ADAMTS2: variants seen among roughly 807,000 people sequenced by gnomAD.
The protein encoded by ADAMTS2 is ADAM metallopeptidase with thrombospondin type 1 motif 2, also known as A disintegrin and metalloproteinase with thrombospondin motifs 2.
Under a neutral mutation model 123.0 loss-of-function variants are expected in ADAMTS2, and 50 were observed. The ratio of observed to expected loss-of-function variants is 0.41; its 90% CI spans 0.32 to 0.51. The LOEUF is 0.51. Among genes scored for constraint, ADAMTS2 ranks in the 20% least tolerant of loss-of-function variants. The probability of loss-of-function intolerance (pLI) is 0.35; values close to 1 mark genes in which losing one functional copy is unlikely to be tolerated. For synonymous variants in ADAMTS2, 678 were observed against 695.4 expected (o/e 0.98, Z 0.39); for missense variants, 1,494 against 1,705.2 (o/e 0.88, Z 2.18).
intron 2 of ADAMTS2, among the ~76,000 whole-genome samples, chr5:179,282,640 T>A (rs896141787): frequency 6.6e-6 from 1 of 152,192 alleles, no homozygotes; most frequent in African/African-American, 2.4e-5. Flanking sequence ...AATTTTAGGA[T>A]CAGCTTGTCA....
At chr5:179,208,631 C>T (rs1306946139) in intron 3 of ADAMTS2, among the ~76,000 whole-genome samples, 2 of 152,202 alleles carry the variant, frequency 1.3e-5, no homozygotes, top group Non-Finnish European at 2.9e-5. Context: ...CTGGACCAGG[C>T]TTCAGTTCCC....
At chr5:179,169,910 G>C (rs1259678905) in intron 5 of ADAMTS2, among the ~76,000 whole-genome samples, 1 of 152,168 alleles carries the variant, frequency 6.6e-6, no homozygotes. Context: ...GTCCTTCTCT[G>C]ATGCTCCCCA....
intron 3 of ADAMTS2, among the ~76,000 whole-genome samples, chr5:179,212,816 G>T (rs2113387327): frequency 6.6e-6 from 1 of 152,126 alleles, no homozygotes; most frequent in East Asian, 1.9e-4. Flanking sequence ...TGGGCTCTGA[G>T]GTCAGGCAGG....
At position 179,137,954 on chromosome 5, in the gene ADAMTS2, A is replaced by C. The variant is rs774392373; in HGVS notation, c.1776-10T>G. The stretch of plus-strand genomic sequence containing the variant: ...GCCCCCGTTGGCCGGGCTGGAGGAG[A>C]AAGCAAAGGCCTTGCCGCTCCGTGC... On this transcript the variant is annotated splice_polypyrimidine_tract_variant and intron_variant, in intron 11 of 21. Coordinates refer to ENST00000251582, the MANE Select transcript of ADAMTS2 (RefSeq NM_014244.5). The C allele has an allele frequency of 6.5e-7, 1 of 1,543,486 alleles. No homozygotes were observed. Among genetic ancestry groups the C allele is most frequent in the Non-Finnish European group, 8.7e-7 (1 of 1,147,072 alleles).
intron 3 of ADAMTS2, among the ~76,000 whole-genome samples, chr5:179,251,327 C>T (rs1765919172): frequency 6.6e-6 from 1 of 152,160 alleles, no homozygotes; most frequent in Non-Finnish European, 1.5e-5. Flanking sequence ...CGTATTTCTG[C>T]CTGATGGTGA....
At chr5:179,326,979 C>T (rs1441760782) in intron 2 of ADAMTS2, among the ~76,000 whole-genome samples, 3 of 152,160 alleles carry the variant, frequency 2.0e-5, no homozygotes, top group South Asian at 2.1e-4. Context: ...GGAGTGAATG[C>T]GCGTGAAGCC....
At chr5:179,184,509 TA>T (rs554713153) in intron 4 of ADAMTS2, among the ~76,000 whole-genome samples, 2,865 of 91,324 alleles carry the variant, frequency 0.031, 65 homozygotes, top group African/African-American at 0.087. Context: ...AGACTCTGTC[TA>T]AAAAAAAAAA....
At chr5:179,211,640 A>G (rs1764851763) in intron 3 of ADAMTS2, among the ~76,000 whole-genome samples, 1 of 152,226 alleles carries the variant, frequency 6.6e-6, no homozygotes, top group African/African-American at 2.4e-5. Context: ...TCGAAGAGTC[A>G]ATCAATAAAC....
rs1349808338 is a variant in ADAMTS2 at position 179,273,056 on chromosome 5, C to A, written c.543G>T (p.Leu181=). ...AGAACTCCTCCTCCTCCATCCGGAT[C>A]AGACCAGCCTGCGGGACAAAGACAA... ...ALSNCDGLAG[L]IRMEEEEFFI... The change falls in exon 3 of 22, where the codon CTG becomes CTT. Residue 181 remains leucine (L), a synonymous_variant. Coordinates refer to ENST00000251582, the MANE Select transcript of ADAMTS2 (RefSeq NM_014244.5). 6.2e-7 allele frequency: 1 copy of A among 1,613,624 alleles called. No homozygotes were observed. Among genetic ancestry groups the A allele is most frequent in the East Asian group, 2.2e-5 (1 of 44,882 alleles).
rs1417658912 is a variant in ADAMTS2, at chr5:179,130,124, C to T, written c.2291-26G>A. Reference sequence around the variant, plus strand: ...CTGAGAATGGCAAGACCAAGTCCCCCGTTGTGGTCACCCAAGAGCAGGACC... The same window carrying T: ...CTGAGAATGGCAAGACCAAGTCCCCTGTTGTGGTCACCCAAGAGCAGGACC... On this transcript the variant is annotated intron_variant, in intron 15 of 21. Coordinates refer to ENST00000251582, the MANE Select transcript of ADAMTS2 (RefSeq NM_014244.5). The surrounding 1 kb of genome is among the most constrained non-coding windows in gnomAD (Gnocchi z 4.3). 14 of 1,613,502 alleles carry T rather than the reference C, an allele frequency of 8.7e-6. No individual in the cohort carries two copies. The highest frequency in any genetic ancestry group is 1.7e-5 in the Admixed American group (1 of 59,992).
At chr5:179,140,858 G>T (rs1226238734) in intron 10 of ADAMTS2, among the ~76,000 whole-genome samples, 3 of 133,438 alleles carry the variant, frequency 2.2e-5, no homozygotes, top group Non-Finnish European at 3.1e-5. Context: ...TTGGAGTGCA[G>T]TGACGATCTT....
At chr5:179,148,338 A>G (rs1015452150) in intron 10 of ADAMTS2, among the ~76,000 whole-genome samples, 1 of 152,090 alleles carries the variant, frequency 6.6e-6, no homozygotes, top group African/African-American at 2.4e-5. Flanking sequence ...TGGGCTGCTC[A>G]TGGCTCACAG....
At chr5:179,326,619 T>C (rs991834435) in intron 2 of ADAMTS2, among the ~76,000 whole-genome samples, 2 of 152,066 alleles carry the variant, frequency 1.3e-5, no homozygotes, top group Non-Finnish European at 2.9e-5. Flanking sequence ...CAGGAAAATA[T>C]GATCTTGTAG....
chr5:179,137,342 C>T (rs957913778), intron 12 of ADAMTS2, among the ~76,000 whole-genome samples: 3 of 152,270 alleles, frequency 2.0e-5, no homozygotes, highest in African/African-American at 4.8e-5. Context: ...GTGCTGAAAC[C>T]GGTTGGAGTC....
intron 5 of ADAMTS2, among the ~76,000 whole-genome samples, chr5:179,161,464 C>T (rs1020642229): frequency 4.6e-5 from 7 of 152,134 alleles, no homozygotes; most frequent in African/African-American, 9.7e-5. Flanking sequence ...AAATACTGCA[C>T]GCTCTCACTC....
intron 2 of ADAMTS2, among the ~76,000 whole-genome samples, chr5:179,323,922 A>C (rs1429828623): frequency 1.3e-5 from 2 of 152,252 alleles, no homozygotes. Flanking sequence ...GGATTTAAAA[A>C]ACTGTGGTAC....
intron 2 of ADAMTS2, among the ~76,000 whole-genome samples, chr5:179,280,151 G>A (rs945361280): frequency 1.3e-5 from 2 of 152,214 alleles, no homozygotes; most frequent in Admixed American, 1.3e-4. Flanking sequence ...CCTGGACCTG[G>A]TTTCAGGCCC....
chr5:179,315,711 G>T (rs1213783675), intron 2 of ADAMTS2, among the ~76,000 whole-genome samples: 1 of 152,258 alleles, frequency 6.6e-6, no homozygotes, highest in African/African-American at 2.4e-5. Flanking sequence ...GATGGCCACA[G>T]GAACTGGCCG....
intron 2 of ADAMTS2, among the ~76,000 whole-genome samples, chr5:179,273,604 C>A (rs1161702049): frequency 2.0e-5 from 3 of 152,178 alleles, no homozygotes; most frequent in Non-Finnish European, 4.4e-5. Flanking sequence ...ATGTCTTGAA[C>A]ATGGAATCCC....
Sources: allele counts gnomAD v4.1 joint callset (sites outside exome capture counted in the v4.1 genomes callset), GRCh38; gene constraint gnomAD v4.1.1; non-coding constraint Gnocchi (gnomAD v3.1); transcripts MANE v1.5; gene names NCBI Gene and HGNC (gene_info 2026-07-23, HGNC 2026-07-21).